IMPDH1: variants seen among roughly 807,000 people sequenced by gnomAD.
IMPDH1 encodes inosine monophosphate dehydrogenase 1, also known as inosine-5'-monophosphate dehydrogenase 1.
A neutral mutation model predicts 73.5 loss-of-function variants in IMPDH1; 41 were observed. The observed-to-expected ratio is 0.56, with a 90% CI of 0.43 to 0.72. The LOEUF is 0.72. IMPDH1 is among the 30% of genes least tolerant of loss of function. The probability of loss-of-function intolerance (pLI) is 0.00; values close to 1 mark genes in which losing one functional copy is unlikely to be tolerated. For missense variants in IMPDH1, 645 were observed against 824.8 expected (o/e 0.78, Z 2.67); for synonymous variants, 318 against 334.3 (o/e 0.95, Z 0.53).
intron 1 of IMPDH1, 27 bp from the exon 2 acceptor site, chr7:128,409,511 ACCTGTT>A (rs1798995972): frequency 6.2e-7 from 1 of 1,613,586 alleles, no homozygotes; most frequent in Admixed American, 1.7e-5. Context: ...GGTTTTTACG[ACCTGTT>A]CCCTCTCCTC....
chr7:128,406,255 A>T (rs1584753753), intron 3 of IMPDH1, among the ~76,000 whole-genome samples: 1 of 130,668 alleles, frequency 7.7e-6, no homozygotes, highest in Non-Finnish European at 1.7e-5. Flanking sequence ...CTCTACATCC[A>T]GCCACCCAGG....
intron 16 of IMPDH1, among the ~76,000 whole-genome samples, chr7:128,393,269 C>T (rs1003384715): frequency 3.3e-5 from 5 of 152,350 alleles, no homozygotes; most frequent in Middle Eastern, 3.4e-3. Context: ...TTTGGGCCAT[C>T]GCCACATCTG....
Position 128,396,597 on chromosome 7 carries a change from C to T in IMPDH1, c.1261+3G>A. The T allele has an allele frequency of 6.4e-7, 1 of 1,550,694 alleles. No homozygotes were observed. Among genetic ancestry groups the T allele is most frequent in the East Asian group, 2.4e-5 (1 of 41,092 alleles). On this transcript the variant is annotated splice_donor_region_variant and intron_variant, in intron 12 of 16. Transcript: ENST00000338791. This position sits in a 1 kb window ranked among gnomAD's most constrained non-coding sequence, Gnocchi z 4.0. ...GGGCACTCGCTCACCTCCTGACACC[C>T]ACCTTCCTGGGTGATGCAGATGGAG...
Position 128,409,866 on chromosome 7 carries a change from T to A in IMPDH1, c.36A>T (p.Gly12=). Reference sequence around the variant, plus strand: ...GCTCCGGAACAGCGGCGGCTCCGCCTCCCTGCAGCGGTGGTGGAGTGAGTG... The same window carrying A: ...GCTCCGGAACAGCGGCGGCTCCGCCACCCTGCAGCGGTGGTGGAGTGAGTG... ...EGPLTPPPLQ[G]GGAAAVPEPG... Residue 12 remains glycine, a synonymous_variant, in exon 1 of 17, where the codon GGA becomes GGT. Transcript: ENST00000338791. The A allele has an allele frequency of 6.7e-7, 1 of 1,488,158 alleles. No homozygotes were observed. The highest frequency in any genetic ancestry group is 8.9e-7 in the Non-Finnish European group (1 of 1,125,778). 92.2% of individuals were successfully genotyped at this position (1,488,158 alleles called of 1,614,324 possible).
At chr7:128,399,836 T>G (rs1798190619) in intron 9 of IMPDH1, among the ~76,000 whole-genome samples, 1 of 152,236 alleles carries the variant, frequency 6.6e-6, no homozygotes, top group East Asian at 1.9e-4. Context: ...AAAGGAGTTA[T>G]TGCTCAGGAT....
intron 10 of IMPDH1, 68 bp from the exon 11 acceptor site, chr7:128,397,090 G>A (rs1398257489): frequency 9.8e-7 from 1 of 1,021,014 alleles, no homozygotes; most frequent in Non-Finnish European, 1.6e-6. Flanking sequence ...GGGAGAGCCT[G>A]AGTGGATGAA....
intron 3 of IMPDH1, among the ~76,000 whole-genome samples, chr7:128,407,217 A>T (rs1376907716): frequency 6.6e-6 from 1 of 152,082 alleles, no homozygotes; most frequent in Non-Finnish European, 1.5e-5. Context: ...TGGCCCTGGG[A>T]GGCTGGGTTT....
chr7:128,401,173 A>C, intron 5 of IMPDH1, 57 bp from the exon 6 acceptor site: 1 of 1,323,200 alleles, frequency 7.6e-7, no homozygotes, highest in Non-Finnish European at 1.1e-6. Flanking sequence ...ACACTCACTC[A>C]CTGAGCTCCT....
In IMPDH1 at chr7:128,400,149, G is replaced by T. The variant is rs765225731; in HGVS notation, c.820C>A (p.Pro274Thr). ...MTPRIELVVAPAGVTLKEANE... is the reference protein window; with the variant it reads ...MTPRIELVVATAGVTLKEANE... ...GCCTCTTTCAACGTCACACCTGCTG[G>T]AGCCACCACCAGTTCAATCCTTGGC... Residue 274 changes from proline to threonine, a missense_variant, in exon 9 of 17, where the codon CCA (proline) becomes ACA (threonine). By Grantham distance (38) the Pro-to-Thr change is conservative. Coordinates refer to ENST00000338791, the MANE Select transcript of IMPDH1 (RefSeq NM_000883.4). The T allele has an allele frequency of 9.3e-6, 15 of 1,613,948 alleles. No homozygotes were observed. In the African/African-American group the frequency reaches 1.7e-4, roughly 19 times the overall value.
intron 1 of IMPDH1, 29 bp downstream of exon 1, chr7:128,409,727 C>T (rs755537803): frequency 6.6e-7 from 1 of 1,524,974 alleles, no homozygotes; most frequent in Non-Finnish European, 8.8e-7. Flanking sequence ...GCCCCGGATG[C>T]GCCCCGCGCG....
intron 16 of IMPDH1, 75 bp from the exon 17 acceptor site, chr7:128,393,103 G>A: frequency 3.3e-6 from 5 of 1,510,606 alleles, no homozygotes; most frequent in South Asian, 1.1e-5. Context: ...CTTTCCCCAG[G>A]GCCCCCAGAT....
At position 128,403,414 on chromosome 7, in the gene IMPDH1, G is replaced by C. The variant is rs374809218; in HGVS notation, c.402+292C>G. On this transcript the variant is annotated intron_variant, in intron 5 of 16. Transcript: ENST00000338791. ...CTCCACTAAAAACACAAAAATTATC[G>C]GGGGGTTTTGGCATGTGCCTGTAAT... is the stretch of plus-strand genomic sequence containing the variant. Among the ~76,000 whole-genome samples, 10 of 152,144 alleles carry C rather than the reference G, an allele frequency of 6.6e-5. No homozygotes were observed. In the East Asian group the frequency reaches 1.2e-3, roughly 18 times the overall value.
chr7:128,406,310 A>T (rs866476820), intron 3 of IMPDH1, among the ~76,000 whole-genome samples: 2 of 17,496 alleles, frequency 1.1e-4, no homozygotes, highest in African/African-American at 2.4e-4. Context: ...CACACCCCCC[A>T]CCCCCCCCAC....
chr7:128,400,979 T>G (rs780370208), intron 6 of IMPDH1, 36 bp downstream of exon 6: 6 of 1,601,328 alleles, frequency 3.7e-6, no homozygotes, highest in Non-Finnish European at 5.1e-6. Context: ...TCAGTTCCTG[T>G]GTGCCCTGGA....
chr7:128,396,154 C>G lies in IMPDH1; in HGVS notation c.1261+446G>C, dbSNP rs1396536951. On this transcript the variant is annotated intron_variant, in intron 12 of 16. Coordinates refer to ENST00000338791, the MANE Select transcript of IMPDH1 (RefSeq NM_000883.4). The surrounding 1 kb of genome is among the most constrained non-coding windows in gnomAD (Gnocchi z 4.0). ...ATGCCAGGCTCCCCCCTTCCCACTT[C>G]ATGTTCAGGAACCCACCCTGCAAAA... 6.6e-6 allele frequency among the ~76,000 whole-genome samples: 1 copy of G among 152,226 alleles called. No individual in the cohort carries two copies. Among genetic ancestry groups the G allele is most frequent in the Non-Finnish European group, 1.5e-5 (1 of 68,032 alleles).
chr7:128,400,595 G>A, intron 7 of IMPDH1, 56 bp from the exon 8 acceptor site: 1 of 1,529,736 alleles, frequency 6.5e-7, no homozygotes, highest in South Asian at 1.1e-5. Flanking sequence ...ATGATGTCCA[G>A]GCTGGCCACA....
chr7:128,394,911 T>C lies in IMPDH1; in HGVS notation c.1528A>G (p.Ser510Gly), dbSNP rs1000854786. 5 of 1,612,520 alleles carry C rather than the reference T, an allele frequency of 3.1e-6. No homozygotes were observed. The African/African-American group carries it at 6.7e-5, about 22-fold the overall frequency. Reference sequence around the variant, plus strand: ...AACCTGAAGTATCGTTTCTGGCTGCTGCTGCTCTTCTCCATGGCATCCAGT... The same window carrying C: ...AACCTGAAGTATCGTTTCTGGCTGCCGCTGCTCTTCTCCATGGCATCCAGT... ...GSLDAMEKSSSSQKRYFSEGD... is the reference protein window; with the variant it reads ...GSLDAMEKSSGSQKRYFSEGD... Residue 510 changes from serine (S) to glycine (G), a missense_variant, in exon 14 of 17, where the codon AGC becomes GGC. Ser to Gly is a moderately conservative substitution (Grantham distance 56). Coordinates refer to ENST00000338791, the MANE Select transcript of IMPDH1 (RefSeq NM_000883.4). This position sits in a 1 kb window ranked among gnomAD's most constrained non-coding sequence, Gnocchi z 5.5.
chr7:128,398,943 TG>T lies in IMPDH1; in HGVS notation c.875-331del, dbSNP rs1798121641. On this transcript the variant is annotated intron_variant, in intron 9 of 16. Transcript: ENST00000338791. The surrounding 1 kb of genome is among the most constrained non-coding windows in gnomAD (Gnocchi z 4.3). ...GAAATCTCCTAGCCAGGAGTGATGC[TG>T]TCCTGCAGGGAGAAGCATGTGCCCT... 6.6e-6 allele frequency among the ~76,000 whole-genome samples: 1 copy of T among 152,216 alleles called. No individual in the cohort carries two copies. Among genetic ancestry groups the T allele is most frequent in the Admixed American group, 6.5e-5 (1 of 15,284 alleles).
rs887641359 is a variant in IMPDH1 at position 128,409,674 on chromosome 7, C to T, written c.146+82G>A. On this transcript the variant is annotated intron_variant, in intron 1 of 16. Transcript: ENST00000338791. ...TGTGGGGCCTGCCCCTCCCCCGCAG[C>T]GTCGCCGGGTTCCCGGAGCCGCCGC... 8 of 1,513,370 alleles carry T rather than the reference C, an allele frequency of 5.3e-6. No individual in the cohort carries two copies. In the African/African-American group the frequency reaches 5.5e-5, roughly 10 times the overall value. The allele number at this position is 1,513,370 out of a possible 1,614,324, so 93.7% of individuals were successfully genotyped here. A position where few individuals can be genotyped will look rare whatever the true frequency, so the allele number is the denominator to read the frequency against.
Sources: allele counts gnomAD v4.1 joint callset (sites outside exome capture counted in the v4.1 genomes callset), GRCh38; gene constraint gnomAD v4.1.1; non-coding constraint Gnocchi (gnomAD v3.1); transcripts MANE v1.5; gene names NCBI Gene and HGNC (gene_info 2026-07-23, HGNC 2026-07-21).